The following ZNF44 variants were observed in gnomAD, a reference collection of about 807,000 sequenced individuals.
ZNF44 encodes gonadotropin inducible transcription repressor-2.
ZNF44 carries 9 observed loss-of-function variants against 11.7 expected under a neutral mutation model. That is an observed-to-expected ratio of 0.77 (90% CI 0.46 to 1.35). The LOEUF (loss-of-function observed/expected upper bound fraction) is 1.35, where lower values mean the gene tolerates loss of function less well. ZNF44 is among the 40% of genes most tolerant of loss of function. The pLI is 0.00. For missense variants in ZNF44, 696 were observed against 743.1 expected, an observed-to-expected ratio of 0.94 and a Z score of 0.74; for synonymous variants, 224 against 242.7, an observed-to-expected ratio of 0.92 and a Z score of 0.72.
At chr19:12,271,058 A>ATGATGATGATGATGATGATGC (rs2145717817), downstream of ZNF44, among the ~76,000 whole-genome samples, 2 of 152,224 alleles carry the variant, frequency 1.3e-5, no homozygotes, top group African/African-American at 4.8e-5. Flanking sequence ...GATGATGATG[A>ATGATGATGATGATGATGATGC]TGATGATGAT....
At chr19:12,245,649 A>T (rs908134494), downstream of ZNF44, among the ~76,000 whole-genome samples, 1 of 152,236 alleles carries the variant, frequency 6.6e-6, no homozygotes, top group East Asian at 1.9e-4. Context: ...TTACTATGCA[A>T]ATTAGATCTT....
chr19:12,279,558 T>C (rs1418372947), intron 1 of ZNF44, among the ~76,000 whole-genome samples: 1 of 123,874 alleles, frequency 8.1e-6, no homozygotes, highest in African/African-American at 3.9e-5. Flanking sequence ...TGGAAACAAT[T>C]TGAGATAAAT....
At chr19:12,238,365 G>A (rs1333840337), upstream of ZNF44, among the ~76,000 whole-genome samples, 4 of 151,732 alleles carry the variant, frequency 2.6e-5, no homozygotes, top group East Asian at 7.8e-4. Flanking sequence ...GGTAGCTCAC[G>A]CCTGTAATCC....
At chr19:12,232,061 T>G (rs1916185772) in intron 2 of ZNF44, among the ~76,000 whole-genome samples, 1 of 152,170 alleles carries the variant, frequency 6.6e-6, no homozygotes, top group Non-Finnish European at 1.5e-5. Context: ...AAGACAATAG[T>G]GGGGAGAGGG....
Position 12,256,127 on chromosome 19 carries a change from C to T in ZNF44, c.1913-5759G>A, listed in dbSNP as rs564090326. ...CATGGCAATTTGAATAGTCTAGAAG[C>T]CTCTGTGGTAAAAATACCCATTCAA... On this transcript the variant is annotated intron_variant and NMD_transcript_variant, in intron 5 of 7. Coordinates refer to the ZNF44 transcript ENST00000393337. Among the ~76,000 whole-genome samples, 225 of 151,256 alleles carry T rather than the reference C, an allele frequency of 1.5e-3. 1 individual carries two copies. The highest frequency in any genetic ancestry group is 5.3e-3 in the African/African-American group (218 of 41,166).
chr19:12,282,421 CTTTTTT>C (rs59865823), intron 1 of ZNF44, among the ~76,000 whole-genome samples: 2 of 126,238 alleles, frequency 1.6e-5, no homozygotes, highest in African/African-American at 3.1e-5. Flanking sequence ...GAGAAGTCTT[CTTTTTT>C]TTTTTTTTTT....
At chr19:12,225,339 G>A (rs1915870011), downstream of ZNF44, 1 of 152,292 alleles carries the variant, frequency 6.6e-6, no homozygotes. Flanking sequence ...TATATTATTA[G>A]GAGAGGGCCC....
rs1204990610 is a variant in ZNF44 at position 12,272,497 on chromosome 19, C to T, written c.1758G>A (p.Lys586=). ...TCCCACATTCCTTACATTCATAGGG[C>T]TTCTCTCCAGTGTGAGTTCTTTCAT... ...REHERTHTGE[K]PYECKECGKA... Residue 586 remains lysine, a synonymous_variant, in exon 4 of 4, where the codon AAG becomes AAA. Transcript: ENST00000355684. 1.9e-6 allele frequency: 3 copies of T among 1,611,888 alleles called. No individual in the cohort carries two copies. The highest frequency in any genetic ancestry group is 2.7e-5 in the African/African-American group (2 of 74,758).
intron 1 of ZNF44, chr19:12,291,365 CCA>C (rs1045761904): frequency 7.1e-5 from 28 of 393,862 alleles, no homozygotes; most frequent in Admixed American, 4.9e-4. Flanking sequence ...AAGAGTTTTC[CCA>C]AATTTTTCCC....
At chr19:12,264,722 G>T (rs931718181) in intron 5 of ZNF44, among the ~76,000 whole-genome samples, 1 of 151,744 alleles carries the variant, frequency 6.6e-6, no homozygotes, top group African/African-American at 2.4e-5. Flanking sequence ...TTTAGAGGGG[G>T]TCTCACTCTG....
chr19:12,244,203 C>T (rs1188542160), downstream of ZNF44, among the ~76,000 whole-genome samples: 2 of 152,158 alleles, frequency 1.3e-5, no homozygotes, highest in East Asian at 3.9e-4. Flanking sequence ...TTATTTTAGA[C>T]ATGAAGTCTC....
downstream of ZNF44, among the ~76,000 whole-genome samples, chr19:12,243,132 T>C (rs1317490736): frequency 6.6e-6 from 1 of 152,222 alleles, no homozygotes; most frequent in Admixed American, 6.5e-5. Flanking sequence ...AGGCGTAGAT[T>C]CAGTAAACAT....
chr19:12,290,375 G>C (rs1372511712), intron 1 of ZNF44, among the ~76,000 whole-genome samples: 1 of 135,236 alleles, frequency 7.4e-6, no homozygotes, highest in Non-Finnish European at 1.6e-5. Flanking sequence ...TGGGCAACAA[G>C]AGTGAAACTC....
At chr19:12,228,374 A>G (rs3106729) in intron 3 of ZNF44, among the ~76,000 whole-genome samples, 9,317 of 152,252 alleles carry the variant, frequency 0.061, 972 homozygotes, top group African/African-American at 0.22. Context: ...TACTAGGTGT[A>G]GAGCCTAGGA....
intron 1 of ZNF44, among the ~76,000 whole-genome samples, chr19:12,292,577 C>G (rs1157630446): frequency 6.6e-6 from 1 of 152,106 alleles, no homozygotes; most frequent in Non-Finnish European, 1.5e-5. Context: ...TATCACCTGG[C>G]ACATCCGCCA....
At chr19:12,283,487 C>T (rs1354992692) in intron 1 of ZNF44, among the ~76,000 whole-genome samples, 1 of 152,120 alleles carries the variant, frequency 6.6e-6, no homozygotes, top group Admixed American at 6.5e-5. Flanking sequence ...CACCACCACG[C>T]CTGGCTAATT....
intron 6 of ZNF44, chr19:12,250,111 A>C: frequency 8.0e-7 from 1 of 1,244,958 alleles, no homozygotes; most frequent in East Asian, 5.6e-5. Flanking sequence ...TTCTAGGTCC[A>C]TATGTGACCA....
At chr19:12,248,321 A>G in exon 8 of ZNF44, 2 of 1,294,300 alleles carry the variant, frequency 1.5e-6, no homozygotes, top group Non-Finnish European at 2.0e-6. Flanking sequence ...GTATTTGGAA[A>G]GAACGTTGAC....
intron 1 of ZNF44, among the ~76,000 whole-genome samples, chr19:12,282,038 A>G (rs530021660): frequency 6.6e-5 from 10 of 152,352 alleles, no homozygotes; most frequent in African/African-American, 2.2e-4. Context: ...TATAAGGCCA[A>G]CATTGCCCTA....
Sources: allele counts gnomAD v4.1 joint callset (sites outside exome capture counted in the v4.1 genomes callset), GRCh38; gene constraint gnomAD v4.1.1; transcripts MANE v1.5; gene names NCBI Gene and HGNC (gene_info 2026-07-23, HGNC 2026-07-21).